Variants in HMGA2 observed in about 807,000 individuals in gnomAD.
The protein encoded by HMGA2 is high mobility group AT-hook 2.
A neutral mutation model predicts 19.1 loss-of-function variants in HMGA2; 8 were observed. The observed-to-expected ratio is 0.42, with a 90% CI of 0.25 to 0.76. HMGA2 has a LOEUF of 0.76. Ranked by LOEUF, HMGA2 falls within the 30% of genes least tolerant of loss-of-function variation. HMGA2 has a pLI of 0.28. For missense variants in HMGA2, 109 were observed against 136.3 expected, an observed-to-expected ratio of 0.80 and a Z score of 1.00; for synonymous variants, 60 against 48.8, an observed-to-expected ratio of 1.23 and a Z score of -0.96.
At chr12:65,898,574 A>G (rs1175025425) in intron 3 of HMGA2, among the ~76,000 whole-genome samples, 2 of 152,320 alleles carry the variant, frequency 1.3e-5, no homozygotes, top group East Asian at 3.9e-4. Context: ...ACATGTTTCA[A>G]ACATATGGTT....
chr12:65,951,720 C>A (rs1260818190), intron 4 of HMGA2: 2 of 243,200 alleles, frequency 8.2e-6, no homozygotes, highest in Non-Finnish European at 1.6e-5. Flanking sequence ...CTATATTTTA[C>A]CAATTCTTAA....
At chr12:65,872,186 C>T (rs570180376) in intron 3 of HMGA2, among the ~76,000 whole-genome samples, 1 of 152,324 alleles carries the variant, frequency 6.6e-6, no homozygotes, top group African/African-American at 2.4e-5. Flanking sequence ...TGCCAGTAAC[C>T]TCTTAACTGC....
intron 3 of HMGA2, among the ~76,000 whole-genome samples, chr12:65,923,241 A>G (rs1875384810): frequency 6.6e-6 from 1 of 152,124 alleles, no homozygotes; most frequent in South Asian, 2.1e-4. Flanking sequence ...AAAAATCCCT[A>G]TGGCTATTCT....
intron 2 of HMGA2, chr12:65,829,148 G>A (rs1000316086): frequency 2.0e-5 from 3 of 152,098 alleles, no homozygotes; most frequent in Non-Finnish European, 4.4e-5. Flanking sequence ...TTTTCTTTGT[G>A]ACTGTGGGTA....
At chr12:65,851,084 T>C (rs1293326810) in intron 3 of HMGA2, among the ~76,000 whole-genome samples, 1 of 152,218 alleles carries the variant, frequency 6.6e-6, no homozygotes, top group Non-Finnish European at 1.5e-5. Context: ...TGCATTTGAG[T>C]CTGAACCTTA....
chr12:65,918,662 T>G (rs1031124140), intron 3 of HMGA2, among the ~76,000 whole-genome samples: 1 of 152,144 alleles, frequency 6.6e-6, no homozygotes, highest in African/African-American at 2.4e-5. Context: ...AACTCAGATT[T>G]TGGTAAAGAT....
intron 3 of HMGA2, chr12:65,882,124 T>TAGAC: frequency 2.2e-6 from 1 of 461,578 alleles, no homozygotes; most frequent in Non-Finnish European, 4.0e-6. Context: ...AAAGCAACCT[T>TAGAC]AGTCAATGAC....
chr12:65,927,536 C>G (rs557478661), intron 3 of HMGA2, among the ~76,000 whole-genome samples: 2 of 152,292 alleles, frequency 1.3e-5, no homozygotes, highest in South Asian at 4.1e-4. Flanking sequence ...ACAAACTCTT[C>G]TTTACGTTTT....
chr12:65,842,566 C>T (rs562781831), intron 3 of HMGA2: 1 of 1,476,956 alleles, frequency 6.8e-7, no homozygotes, highest in Admixed American at 2.0e-5. Flanking sequence ...TACTAAAGAA[C>T]ATTTTAATTC....
intron 2 of HMGA2, among the ~76,000 whole-genome samples, chr12:65,832,567 T>A (rs1285807061): frequency 1.3e-5 from 2 of 152,026 alleles, no homozygotes; most frequent in African/African-American, 4.8e-5. Flanking sequence ...TTCAAACATG[T>A]CTTGTCTTGT....
chr12:65,860,438 T>C (rs1352538593), intron 3 of HMGA2, among the ~76,000 whole-genome samples: 1 of 152,234 alleles, frequency 6.6e-6, no homozygotes, highest in African/African-American at 2.4e-5. Context: ...CAGGCCATCA[T>C]AGGTCAGGGA....
chr12:65,909,573 G>C (rs1396963120), intron 3 of HMGA2, among the ~76,000 whole-genome samples: 1 of 152,004 alleles, frequency 6.6e-6, no homozygotes, highest in Non-Finnish European at 1.5e-5. Context: ...GTCATTATCT[G>C]AAGGAGTCTA....
chr12:65,875,589 ATTTTTTTTTTTTTTTTTTT>A (rs71096056), intron 3 of HMGA2, among the ~76,000 whole-genome samples: 1,296 of 26,120 alleles, frequency 0.05, 55 homozygotes, highest in Non-Finnish European at 0.084. Flanking sequence ...GTGCCCGGCT[ATTTTTTTTTTTTTTTTTTT>A]TTTTTTTTTT....
chr12:65,861,053 G>A (rs552820239), intron 3 of HMGA2, among the ~76,000 whole-genome samples: 4 of 152,246 alleles, frequency 2.6e-5, no homozygotes, highest in East Asian at 1.9e-4. Flanking sequence ...AGAAAAAAAC[G>A]TGTCTATGAT....
intron 3 of HMGA2, among the ~76,000 whole-genome samples, chr12:65,922,309 G>A (rs977261443): frequency 3.2e-4 from 49 of 152,322 alleles, no homozygotes; most frequent in African/African-American, 1.2e-3. Context: ...AGCCACAGGG[G>A]CGGAGCTGCC....
At chr12:65,913,562 C>A (rs1874936551) in intron 3 of HMGA2, among the ~76,000 whole-genome samples, 1 of 152,206 alleles carries the variant, frequency 6.6e-6, no homozygotes, top group African/African-American at 2.4e-5. Context: ...TTTTATCAAG[C>A]ATGAGTTATA....
At chr12:65,858,321 A>T (rs1592391901) in intron 3 of HMGA2, 1 of 150,830 alleles carries the variant, frequency 6.6e-6, no homozygotes, top group Non-Finnish European at 1.5e-5. Flanking sequence ...AGTTCTCTCT[A>T]CCTTTCTCAT....
chr12:65,866,933 C>T (rs1226346258), intron 3 of HMGA2: 2 of 457,008 alleles, frequency 4.4e-6, no homozygotes, highest in Non-Finnish European at 8.8e-6. Context: ...AAGATAGGAA[C>T]ATGTGCCTTC....
At chr12:65,925,172 T>C (rs1355345481) in intron 3 of HMGA2, among the ~76,000 whole-genome samples, 1 of 152,236 alleles carries the variant, frequency 6.6e-6, no homozygotes, top group Non-Finnish European at 1.5e-5. Flanking sequence ...AGCTCAAAAG[T>C]ATCTTTTCTA....
Sources: gnomAD v4.1 joint callset for allele counts (sites outside exome capture counted in the v4.1 genomes callset) on GRCh38, gnomAD v4.1.1 for gene constraint, MANE v1.5 for transcripts, NCBI Gene and HGNC (gene_info 2026-07-23, HGNC 2026-07-21) for gene names.